The following SPAG16 variants were observed in gnomAD, a reference collection of about 807,000 sequenced individuals.
The protein encoded by SPAG16 is sperm-associated antigen 16 protein.
In SPAG16, 86 loss-of-function variants were observed where a neutral mutation model predicts 80.4. That is an observed-to-expected ratio of 1.07 (90% CI 0.90 to 1.28). SPAG16 has a LOEUF of 1.28. SPAG16 is among the 50% of genes most tolerant of loss of function. The pLI is 0.00. For synonymous variants in SPAG16, 294 were observed against 265.9 expected (o/e 1.11, Z -1.03); for missense variants, 870 against 765.3 (o/e 1.14, Z -1.61).
At chr2:213,406,139 T>C (rs1206150577) in intron 9 of SPAG16, among the ~76,000 whole-genome samples, 1 of 152,228 alleles carries the variant, frequency 6.6e-6, no homozygotes, top group African/African-American at 2.4e-5. Flanking sequence ...AATAGTTTCC[T>C]GTTTTCCAGA....
intron 5 of SPAG16, among the ~76,000 whole-genome samples, chr2:213,323,436 G>A (rs1018300827): frequency 1.0e-4 from 4 of 38,810 alleles, no homozygotes; most frequent in Non-Finnish European, 1.2e-4. Flanking sequence ...GCAAGACTCC[G>A]TCTCAAAAAA....
chr2:214,032,569 G>C (rs1315110618), intron 13 of SPAG16, among the ~76,000 whole-genome samples: 2 of 152,102 alleles, frequency 1.3e-5, no homozygotes, highest in African/African-American at 4.8e-5. Context: ...CTGAGTTTCT[G>C]ACATCTAGAA....
chr2:213,532,032 A>C (rs972405707), intron 10 of SPAG16, among the ~76,000 whole-genome samples: 3 of 152,224 alleles, frequency 2.0e-5, no homozygotes, highest in African/African-American at 7.2e-5. Context: ...AAATACTGGC[A>C]TCAAGAAATT....
intron 13 of SPAG16, among the ~76,000 whole-genome samples, chr2:214,096,298 T>G (rs2052586342): frequency 6.6e-6 from 1 of 152,008 alleles, no homozygotes; most frequent in South Asian, 2.1e-4. Flanking sequence ...AATGTAGAAT[T>G]TTTTTCAAGG....
chr2:213,794,797 A>G (rs1362201332), intron 10 of SPAG16, among the ~76,000 whole-genome samples: 1 of 152,164 alleles, frequency 6.6e-6, no homozygotes, highest in African/African-American at 2.4e-5. Flanking sequence ...ACAAATTTGG[A>G]TAAGATAAAC....
intron 9 of SPAG16, among the ~76,000 whole-genome samples, chr2:213,470,865 G>A (rs191916425): frequency 2.6e-5 from 4 of 152,342 alleles, no homozygotes; most frequent in African/African-American, 9.6e-5. Flanking sequence ...TGACCACTTA[G>A]AGAGGTCCAT....
intron 10 of SPAG16, among the ~76,000 whole-genome samples, chr2:213,620,134 A>T (rs2061721541): frequency 6.6e-6 from 1 of 152,062 alleles, no homozygotes; most frequent in African/African-American, 2.4e-5. Context: ...ATAAAGTAGA[A>T]TTATGGTTAT....
intron 10 of SPAG16, among the ~76,000 whole-genome samples, chr2:213,667,531 T>A (rs1440240192): frequency 6.6e-6 from 1 of 152,180 alleles, no homozygotes; most frequent in East Asian, 1.9e-4. Flanking sequence ...AGGAAAATTG[T>A]GTTTTAAGTT....
intron 13 of SPAG16, among the ~76,000 whole-genome samples, chr2:214,107,938 T>C (rs988791030): frequency 2.0e-5 from 3 of 152,118 alleles, no homozygotes; most frequent in Non-Finnish European, 4.4e-5. Flanking sequence ...TAGTGAGAGT[T>C]TACTACCAGC....
At chr2:213,442,730 T>G (rs1329670754) in intron 9 of SPAG16, among the ~76,000 whole-genome samples, 1 of 152,130 alleles carries the variant, frequency 6.6e-6, no homozygotes, top group East Asian at 1.9e-4. Flanking sequence ...AAAATAAATC[T>G]AGACACAAGG....
chr2:214,162,844 T>A (rs1473031194), intron 15 of SPAG16, among the ~76,000 whole-genome samples: 1 of 152,116 alleles, frequency 6.6e-6, no homozygotes, highest in African/African-American at 2.4e-5. Flanking sequence ...TTTCAAACTG[T>A]ATTTCAATCT....
chr2:213,701,809 C>T (rs1192722333), intron 10 of SPAG16, among the ~76,000 whole-genome samples: 4 of 152,142 alleles, frequency 2.6e-5, no homozygotes, highest in Non-Finnish European at 4.4e-5. Flanking sequence ...CTGTGTCTAG[C>T]TCAAGGTTTG....
chr2:214,260,137 A>G (rs1691030787), intron 15 of SPAG16, among the ~76,000 whole-genome samples: 1 of 152,108 alleles, frequency 6.6e-6, no homozygotes, highest in African/African-American at 2.4e-5. Flanking sequence ...AACAGATAAA[A>G]TCTCAGTCCA....
chr2:214,041,720 T>G (rs908219604), intron 13 of SPAG16, among the ~76,000 whole-genome samples: 1 of 151,616 alleles, frequency 6.6e-6, no homozygotes, highest in Non-Finnish European at 1.5e-5. Context: ...TCTTGAAGAC[T>G]GATTCCTTGC....
chr2:213,735,130 A>G (rs891465782), intron 10 of SPAG16, among the ~76,000 whole-genome samples: 2 of 152,176 alleles, frequency 1.3e-5, no homozygotes, highest in Non-Finnish European at 2.9e-5. Flanking sequence ...TGAACATGCT[A>G]TTATCCTAGT....
intron 14 of SPAG16, among the ~76,000 whole-genome samples, chr2:214,125,024 T>C (rs2054405404): frequency 6.6e-6 from 1 of 151,778 alleles, no homozygotes; most frequent in Non-Finnish European, 1.5e-5. Flanking sequence ...CTGAAACCAT[T>C]CAAGTTTTTA....
intron 9 of SPAG16, among the ~76,000 whole-genome samples, chr2:213,445,449 G>A (rs547055878): frequency 1.4e-4 from 21 of 152,226 alleles, no homozygotes; most frequent in African/African-American, 4.3e-4. Flanking sequence ...ATCACCTGAG[G>A]TCAGGAGATC....
At chr2:214,085,818 A>G (rs2051703564) in intron 13 of SPAG16, among the ~76,000 whole-genome samples, 1 of 152,218 alleles carries the variant, frequency 6.6e-6, no homozygotes, top group African/African-American at 2.4e-5. Context: ...ATAGCTATCT[A>G]ATTATCTGCT....
intron 15 of SPAG16, among the ~76,000 whole-genome samples, chr2:214,331,956 A>G (rs1576801687): frequency 6.6e-6 from 1 of 152,252 alleles, no homozygotes; most frequent in Non-Finnish European, 1.5e-5. Context: ...AAAGTGTCTA[A>G]TAAAACAATT....
Sources: gnomAD v4.1 joint callset for allele counts (sites outside exome capture counted in the v4.1 genomes callset) on GRCh38, gnomAD v4.1.1 for gene constraint, MANE v1.5 for transcripts, NCBI Gene and HGNC (gene_info 2026-07-23, HGNC 2026-07-21) for gene names.